Variants in GNPTAB observed in about 807,000 individuals in gnomAD.
GNPTAB encodes N-acetylglucosamine-1-phosphate transferase subunits alpha and beta.
In GNPTAB, 92 loss-of-function variants were observed where a neutral mutation model predicts 136.6. The observed-to-expected ratio is 0.67, with a 90% CI of 0.57 to 0.80. The LOEUF (loss-of-function observed/expected upper bound fraction) is 0.80, where lower values mean the gene tolerates loss of function less well. GNPTAB is among the 30% of genes least tolerant of loss of function. GNPTAB has a pLI of 0.00. For synonymous variants in GNPTAB, 512 were observed against 535.1 expected (o/e 0.96, Z 0.60); for missense variants, 1,343 against 1,501.8 (o/e 0.89, Z 1.75).
At chr12:101,771,228 T>G in intron 7 of GNPTAB, 71 bp from the exon 8 acceptor site, 2 of 1,174,876 alleles carry the variant, frequency 1.7e-6, no homozygotes, top group Non-Finnish European at 2.5e-6. Flanking sequence ...AAATTCCCAC[T>G]CTGCTCTTTA....
chr12:101,768,370 G>GT (rs1240389661), intron 10 of GNPTAB, among the ~76,000 whole-genome samples: 2 of 152,158 alleles, frequency 1.3e-5, no homozygotes, highest in Non-Finnish European at 1.5e-5. Context: ...CTTACTGAGC[G>GT]TATTTACTTT....
chr12:101,783,841 A>G (rs1868478944), intron 5 of GNPTAB, among the ~76,000 whole-genome samples: 1 of 151,868 alleles, frequency 6.6e-6, no homozygotes, highest in African/African-American at 2.4e-5. Context: ...CAGCCTCCCA[A>G]GTAGCTGGGA....
intron 1 of GNPTAB, among the ~76,000 whole-genome samples, chr12:101,829,100 T>C (rs1265018809): frequency 2.6e-5 from 4 of 152,346 alleles, no homozygotes; most frequent in South Asian, 2.1e-4. Context: ...CCAAACCTTA[T>C]GATCTGTGGC....
intron 1 of GNPTAB, among the ~76,000 whole-genome samples, chr12:101,818,486 T>C (rs1870623644): frequency 6.6e-6 from 1 of 151,348 alleles, no homozygotes; most frequent in African/African-American, 2.4e-5. Context: ...CAAGTGATTC[T>C]CCTGCCTCAG....
intron 1 of GNPTAB, among the ~76,000 whole-genome samples, chr12:101,810,170 G>A (rs1870141357): frequency 6.6e-6 from 1 of 151,914 alleles, no homozygotes; most frequent in South Asian, 2.1e-4. Flanking sequence ...ATCTCTTCAG[G>A]CCACGAGTTC....
At chr12:101,753,283 T>C (rs1171315905) in intron 19 of GNPTAB, 89 bp downstream of exon 19, 1 of 1,126,784 alleles carries the variant, frequency 8.9e-7, no homozygotes, top group Non-Finnish European at 1.3e-6. Context: ...AGAAATTTCA[T>C]AAAAAAAACA....
chr12:101,784,392 A>C (rs935362628), intron 5 of GNPTAB, among the ~76,000 whole-genome samples: 2 of 152,206 alleles, frequency 1.3e-5, no homozygotes, highest in African/African-American at 4.8e-5. Context: ...GAGGGCAGGG[A>C]TGTGGGGATC....
intron 20 of GNPTAB, 146 bp from the exon 21 acceptor site, chr12:101,747,387 C>G (rs954793623): frequency 6.9e-5 from 45 of 652,930 alleles, no homozygotes; most frequent in Non-Finnish European, 1.1e-4. Flanking sequence ...TCCATCATTC[C>G]TCTTCCAAAA....
chr12:101,805,595 C>T (rs1240006992), intron 1 of GNPTAB, among the ~76,000 whole-genome samples: 1 of 152,160 alleles, frequency 6.6e-6, no homozygotes, highest in African/African-American at 2.4e-5. Context: ...GGGGTTTCAC[C>T]ACATTGCCCA....
chr12:101,782,094 T>C (rs954509122), intron 5 of GNPTAB, among the ~76,000 whole-genome samples: 1 of 152,174 alleles, frequency 6.6e-6, no homozygotes, highest in African/African-American at 2.4e-5. Flanking sequence ...GAAGGCATGC[T>C]TGTGAAATGT....
At chr12:101,796,539 C>T in intron 2 of GNPTAB, 138 bp downstream of exon 2, 1 of 685,176 alleles carries the variant, frequency 1.5e-6, no homozygotes, top group South Asian at 1.7e-5. Flanking sequence ...GTGAACACAT[C>T]AGATGGGCAT....
rs140600142 is a variant in GNPTAB, at chr12:101,830,832, G to T, written c.-157C>A. ...ATTGCAGCTCCGGCGACGGACGCCCGCTCGGCTCCGCGCCGCGGCCGCCGC... is the reference window on the plus strand; with the variant it reads ...ATTGCAGCTCCGGCGACGGACGCCCTCTCGGCTCCGCGCCGCGGCCGCCGC... On this transcript the variant is annotated 5_prime_UTR_variant, in exon 1 of 21. Transcript: ENST00000299314. The T allele has an allele frequency of 0.098, 20,385 of 208,094 alleles. 1,105 individuals carry two copies. Among genetic ancestry groups the T allele is most frequent in the East Asian group, 0.18 (1,584 of 9,046 alleles). 12.9% of individuals were successfully genotyped at this position (208,094 alleles called of 1,614,324 possible).
At chr12:101,813,981 A>C (rs1870373584) in intron 1 of GNPTAB, among the ~76,000 whole-genome samples, 1 of 151,616 alleles carries the variant, frequency 6.6e-6, no homozygotes, top group South Asian at 2.1e-4. Context: ...TGGGAGGCTG[A>C]GGCAGAAGAA....
At chr12:101,750,382 G>A (rs931623664) in intron 19 of GNPTAB, among the ~76,000 whole-genome samples, 1 of 152,156 alleles carries the variant, frequency 6.6e-6, no homozygotes. Flanking sequence ...CTGTTAATAG[G>A]ATCATAACCA....
chr12:101,769,463 T>TG (rs1333531209), intron 10 of GNPTAB, among the ~76,000 whole-genome samples: 11 of 152,224 alleles, frequency 7.2e-5, no homozygotes, highest in Admixed American at 6.5e-4. Flanking sequence ...TTGAGATGGT[T>TG]GGGAAAAAGT....
intron 1 of GNPTAB, among the ~76,000 whole-genome samples, chr12:101,829,986 C>G (rs1457393690): frequency 5.8e-4 from 81 of 139,114 alleles, no homozygotes; most frequent in Non-Finnish European, 1.1e-3. Flanking sequence ...AATTTTAAAA[C>G]CTTTTGTAAC....
chr12:101,765,302 G>T lies in GNPTAB; in HGVS notation c.1615C>A (p.His539Asn). 6.3e-7 allele frequency: 1 copy of T among 1,595,074 alleles called. No homozygotes were observed. Among genetic ancestry groups the T allele is most frequent in the South Asian group, 1.1e-5 (1 of 90,484 alleles). Residue 539 changes from histidine (H) to asparagine (N), a missense_variant and splice_region_variant, in exon 13 of 21, where the codon CAT becomes AAT. Physicochemically the swap from His to Asn is moderately conservative, Grantham distance 68. Transcript: ENST00000299314. ...ATCACTTTATACAATTCATGAAAAT[G>T]ATCTAGAGGAAAAAACAGAAACATG... ...GFDAGDCGQD[H>N]FHELYKVILL...
chr12:101,782,001 C>T (rs138551016), intron 5 of GNPTAB, among the ~76,000 whole-genome samples: 21 of 152,268 alleles, frequency 1.4e-4, no homozygotes, highest in South Asian at 2.1e-4. Context: ...GTAACAAAGC[C>T]GCAATCAACC....
intron 13 of GNPTAB, 99 bp downstream of exon 13, chr12:101,764,096 TGGCCGGC>T: frequency 7.0e-7 from 1 of 1,431,748 alleles, no homozygotes; most frequent in South Asian, 1.2e-5. Context: ...TTTAGTTCCA[TGGCCGGC>T]ACAGGGAAGT....
Sources: gnomAD v4.1 joint callset for allele counts (sites outside exome capture counted in the v4.1 genomes callset) on GRCh38, gnomAD v4.1.1 for gene constraint, MANE v1.5 for transcripts, NCBI Gene and HGNC (gene_info 2026-07-23, HGNC 2026-07-21) for gene names.